The following RBFOX1 variants were observed in gnomAD, a reference collection of about 807,000 sequenced individuals.
RBFOX1 encodes the protein RNA binding protein fox-1 homolog 1.
Under a neutral mutation model 57.7 loss-of-function variants are expected in RBFOX1, and 8 were observed. That is an observed-to-expected ratio of 0.14 (90% CI 0.08 to 0.25). The LOEUF is 0.25. Among genes scored for constraint, RBFOX1 ranks in the 10% least tolerant of loss-of-function variants. The pLI, the probability that RBFOX1 is intolerant of heterozygous loss-of-function variation, is 1.00. For synonymous variants in RBFOX1, 326 were observed against 222.4 expected, an observed-to-expected ratio of 1.47 and a Z score of -4.15; for missense variants, 611 against 548.5, an observed-to-expected ratio of 1.11 and a Z score of -1.14.
intron 1 of RBFOX1, among the ~76,000 whole-genome samples, chr16:6,227,744 C>T (rs2097428744): frequency 6.6e-6 from 1 of 152,160 alleles, no homozygotes; most frequent in Non-Finnish European, 1.5e-5. Flanking sequence ...GGGCCAACCT[C>T]CAAACTTGTG....
At chr16:5,436,019 T>C (rs541066966) in intron 1 of RBFOX1, among the ~76,000 whole-genome samples, 1 of 152,338 alleles carries the variant, frequency 6.6e-6, no homozygotes, top group East Asian at 1.9e-4. Context: ...GGAAGGATTT[T>C]AAAGATTGAA....
chr16:7,261,226 G>A (rs1230563772), intron 4 of RBFOX1, among the ~76,000 whole-genome samples: 1 of 152,184 alleles, frequency 6.6e-6, no homozygotes, highest in East Asian at 1.9e-4. Flanking sequence ...CTGAGCCTTA[G>A]CTTTCAACTT....
At chr16:7,264,670 A>G (rs1484533409) in intron 4 of RBFOX1, among the ~76,000 whole-genome samples, 1 of 152,222 alleles carries the variant, frequency 6.6e-6, no homozygotes, top group African/African-American at 2.4e-5. Context: ...TTCAGGTGTC[A>G]TGCAATCTTA....
intron 3 of RBFOX1, among the ~76,000 whole-genome samples, chr16:5,676,270 G>A (rs2151426954): frequency 6.6e-6 from 1 of 151,838 alleles, no homozygotes; most frequent in Middle Eastern, 3.4e-3. Flanking sequence ...AAAAATAAAG[G>A]AAAACATCAC....
At chr16:6,615,760 T>C (rs2098132622) in intron 2 of RBFOX1, among the ~76,000 whole-genome samples, 1 of 152,162 alleles carries the variant, frequency 6.6e-6, no homozygotes, top group Non-Finnish European at 1.5e-5. Flanking sequence ...TTCCGTCTTT[T>C]CTCATGCACG....
chr16:6,936,575 T>G (rs551205812), intron 3 of RBFOX1, among the ~76,000 whole-genome samples: 4 of 152,252 alleles, frequency 2.6e-5, no homozygotes, highest in East Asian at 3.9e-4. Context: ...CTTAATTGTT[T>G]CCTGTATATG....
At chr16:5,567,627 G>A (rs1422153387) in intron 2 of RBFOX1, among the ~76,000 whole-genome samples, 1 of 76,822 alleles carries the variant, frequency 1.3e-5, no homozygotes, top group Non-Finnish European at 2.3e-5. Context: ...GGGTATTCAG[G>A]TTATAGGCAA....
chr16:7,404,301 C>T (rs542725345), intron 4 of RBFOX1, among the ~76,000 whole-genome samples: 118 of 152,210 alleles, frequency 7.8e-4, no homozygotes, highest in African/African-American at 2.7e-3. Context: ...GATCTGCCTG[C>T]CTCAGCCTCC....
intron 3 of RBFOX1, among the ~76,000 whole-genome samples, chr16:5,819,908 G>T (rs1043526107): frequency 2.0e-5 from 3 of 152,156 alleles, no homozygotes; most frequent in Non-Finnish European, 4.4e-5. Context: ...ACTCACCTCC[G>T]TTAGAGAGGG....
chr16:6,677,408 C>G (rs985046441), intron 3 of RBFOX1, among the ~76,000 whole-genome samples: 1 of 152,098 alleles, frequency 6.6e-6, no homozygotes, highest in Non-Finnish European at 1.5e-5. Context: ...GACTGGAGGC[C>G]TATTTTATTA....
rs57675324 is a variant in RBFOX1 at position 5,453,655 on chromosome 16, G to T, written c.220-13561G>T. ...ATCCCTGCAAGTAGCATCCCATTAT[G>T]AGTAATGGCATCCAAAGCACAGCAC... is the stretch of plus-strand genomic sequence containing the variant. On this transcript the variant is annotated intron_variant, in intron 1 of 2. Coordinates refer to the RBFOX1 transcript ENST00000585867. 4.6e-5 allele frequency among the ~76,000 whole-genome samples: 7 copies of T among 152,252 alleles called. No individual in the cohort carries two copies. The East Asian group carries it at 1.4e-3, about 29-fold the overall frequency.
Position 6,436,265 on chromosome 16 carries a change from A to G in RBFOX1, c.-64+119208A>G, listed in dbSNP as rs2094230153. Among the ~76,000 whole-genome samples, 4 of 152,178 alleles carry G rather than the reference A, an allele frequency of 2.6e-5. No individual in the cohort carries two copies. In the South Asian group the frequency reaches 8.3e-4, roughly 32 times the overall value. On this transcript the variant is annotated intron_variant, in intron 2 of 15. Coordinates refer to ENST00000550418, the MANE Select transcript of RBFOX1 (RefSeq NM_018723.4). The stretch of plus-strand genomic sequence containing the variant: ...ATTAAAAATGGCTGTTGGAATGGTA[A>G]TGCAGTATCTTGAATTACCAGTGAA...
At chr16:7,046,318 G>T (rs1218528761) in intron 3 of RBFOX1, among the ~76,000 whole-genome samples, 1 of 149,592 alleles carries the variant, frequency 6.7e-6, no homozygotes, top group Non-Finnish European at 1.5e-5. Flanking sequence ...CACTTTTTTC[G>T]GTTTTCTTAA....
At chr16:7,303,145 C>A (rs902907184) in intron 4 of RBFOX1, among the ~76,000 whole-genome samples, 1 of 152,142 alleles carries the variant, frequency 6.6e-6, no homozygotes, top group African/African-American at 2.4e-5. Flanking sequence ...CCAGCCTGGG[C>A]GGTTGCTCTC....
intron 2 of RBFOX1, among the ~76,000 whole-genome samples, chr16:6,583,267 A>G (rs932100993): frequency 6.6e-6 from 1 of 152,176 alleles, no homozygotes; most frequent in African/African-American, 2.4e-5. Context: ...CCAGCTTGGA[A>G]CACATGTGCA....
intron 2 of RBFOX1, among the ~76,000 whole-genome samples, chr16:6,351,356 A>ATC (rs2086332219): frequency 1.2e-5 from 1 of 84,924 alleles, no homozygotes; most frequent in Non-Finnish European, 2.1e-5. Flanking sequence ...GTGTGTGTAT[A>ATC]TATATATATA....
intron 1 of RBFOX1, among the ~76,000 whole-genome samples, chr16:6,208,044 G>GTA (rs1312622944): frequency 2.0e-5 from 3 of 151,852 alleles, no homozygotes; most frequent in Middle Eastern, 3.4e-3. Context: ...ATATATATGT[G>GTA]TATATATATG....
intron 4 of RBFOX1, among the ~76,000 whole-genome samples, chr16:7,094,005 A>C (rs754826781): frequency 6.6e-6 from 1 of 151,364 alleles, no homozygotes; most frequent in Admixed American, 6.6e-5. Context: ...TGTTGTCTTT[A>C]TGATTGTGTT....
intron 4 of RBFOX1, among the ~76,000 whole-genome samples, chr16:7,417,061 A>T (rs1351722802): frequency 1.3e-5 from 2 of 152,036 alleles, no homozygotes; most frequent in African/African-American, 4.8e-5. Flanking sequence ...GTTCATTTAT[A>T]TTTAATTTTA....
Sources: gnomAD v4.1 joint callset for allele counts (sites outside exome capture counted in the v4.1 genomes callset) on GRCh38, gnomAD v4.1.1 for gene constraint, MANE v1.5 for transcripts, NCBI Gene and HGNC (gene_info 2026-07-23, HGNC 2026-07-21) for gene names.